The following KLHL4 variants were observed in gnomAD, a reference collection of about 807,000 sequenced individuals.
KLHL4 encodes kelch like family member 4.
Under a neutral mutation model 45.8 loss-of-function variants are expected in KLHL4, and 17 were observed. The observed-to-expected ratio is 0.37, with a 90% CI of 0.25 to 0.56. The LOEUF (loss-of-function observed/expected upper bound fraction) is 0.56. Among genes scored for constraint, KLHL4 ranks in the 20% least tolerant of loss-of-function variants. The probability of loss-of-function intolerance (pLI) is 0.79; values close to 1 mark genes in which losing one functional copy is unlikely to be tolerated. For missense variants in KLHL4, 544 were observed against 544.9 expected (o/e 1.00, Z 0.02); for synonymous variants, 224 against 189.9 (o/e 1.18, Z -1.47).
chrX:87,657,305 A>G (rs1014593827), intron 9 of KLHL4, among the ~76,000 whole-genome samples: 3 of 112,259 alleles, frequency 2.7e-5, no homozygotes, highest in African/African-American at 9.7e-5. Flanking sequence ...TATCCTCAGC[A>G]CCATGAAGAG....
intron 6 of KLHL4, 84 bp from the exon 7 acceptor site, chrX:87,632,126 G>A: frequency 1.8e-6 from 1 of 549,552 alleles, no homozygotes; most frequent in Non-Finnish European, 3.0e-6. Context: ...TGTAAGTTAT[G>A]GGTACATAAT....
intron 9 of KLHL4, among the ~76,000 whole-genome samples, chrX:87,640,967 G>C (rs1252624382): frequency 8.9e-6 from 1 of 112,040 alleles, no homozygotes; most frequent in East Asian, 2.8e-4. Context: ...AAAGCTCCTA[G>C]AACTGGTAAA....
At chrX:87,566,448 C>T (rs779061368) in intron 1 of KLHL4, among the ~76,000 whole-genome samples, 1 of 111,874 alleles carries the variant, frequency 8.9e-6, no homozygotes, top group Admixed American at 9.5e-5. Context: ...ATAGCTTAGC[C>T]TAATCCACCT....
intron 9 of KLHL4, among the ~76,000 whole-genome samples, chrX:87,657,885 T>C (rs1463572867): frequency 9.0e-6 from 1 of 111,472 alleles, no homozygotes; most frequent in African/African-American, 3.3e-5. Flanking sequence ...CTAGCCCTGA[T>C]GGGTGAAAAA....
intron 1 of KLHL4, among the ~76,000 whole-genome samples, chrX:87,565,697 AAAAAAAAAAAAAAAAAG>A (rs1932193569): frequency 1.0e-5 from 1 of 96,973 alleles, no homozygotes. Flanking sequence ...AAAAAAAAAA[AAAAAAAAAAAAAAAAAG>A]GAAATGAATT....
intron 1 of KLHL4, among the ~76,000 whole-genome samples, chrX:87,520,171 T>C (rs1930972975): frequency 8.9e-6 from 1 of 112,210 alleles, no homozygotes; most frequent in Non-Finnish European, 1.9e-5. Flanking sequence ...TATTACCTTC[T>C]CCTTAACCAT....
chrX:87,624,166 T>C (rs1452849661), intron 5 of KLHL4, among the ~76,000 whole-genome samples: 1 of 112,247 alleles, frequency 8.9e-6, no homozygotes, highest in Non-Finnish European at 1.9e-5. Context: ...TGTTATTTTA[T>C]TGGAATGGAG....
In KLHL4 at chrX:87,615,694, G is replaced by GA. The variant is rs1421580403; in HGVS notation, c.727+1128dup. 2.7e-5 allele frequency among the ~76,000 whole-genome samples: 3 copies of GA among 111,410 alleles called. No homozygotes were observed. In the East Asian group the frequency reaches 8.5e-4, roughly 31 times the overall value. On this transcript the variant is annotated intron_variant, in intron 3 of 10. Coordinates refer to ENST00000373119, the MANE Select transcript of KLHL4 (RefSeq NM_019117.5). ...AGATACTACAACATGGATGAAGTGTGAAAATATGCCAGATAAAAGAAGCCT... is the reference window on the plus strand; with the variant it reads ...AGATACTACAACATGGATGAAGTGTGAAAAATATGCCAGATAAAAGAAGCCT...
rs186656887 is a variant in KLHL4 at position 87,633,587 on chromosome X, C to T, written c.1550-162C>T. On this transcript the variant is annotated intron_variant, in intron 7 of 10. Coordinates refer to ENST00000373119, the MANE Select transcript of KLHL4 (RefSeq NM_019117.5). Reference sequence around the variant, plus strand: ...TGAAAGTTTCACAGGGTTAGAAAACCATACTTAGCTTTACAACAGAGTCAG... The same window carrying T: ...TGAAAGTTTCACAGGGTTAGAAAACTATACTTAGCTTTACAACAGAGTCAG... Among the ~76,000 whole-genome samples, 18 of 111,810 alleles carry T rather than the reference C, an allele frequency of 1.6e-4. No individual in the cohort carries two copies. In the East Asian group the frequency reaches 5.1e-3, roughly 31 times the overall value.
In KLHL4 at chrX:87,563,653, G is replaced by A. The variant is rs1391409572; in HGVS notation, c.422+45338G>A. On this transcript the variant is annotated intron_variant, in intron 1 of 10. Coordinates refer to ENST00000373119, the MANE Select transcript of KLHL4 (RefSeq NM_019117.5). ...AGCACACCTACAAGGGCAAATGTAA[G>A]TTATTGGCCTCAAAAAGGAGGCAAA... is the stretch of plus-strand genomic sequence containing the variant. Among the ~76,000 whole-genome samples the A allele has an allele frequency of 2.8e-5, 3 of 106,708 alleles. No individual in the cohort carries two copies. In the East Asian group the frequency reaches 9.1e-4, roughly 32 times the overall value. The allele number at this position is 106,708 out of a possible 115,157, so 92.7% of individuals were successfully genotyped here.
chrX:87,518,343 T>A (rs755863623), intron 1 of KLHL4, 28 bp downstream of exon 1: 1 of 1,086,023 alleles, frequency 9.2e-7, no homozygotes, highest in Admixed American at 2.3e-5. Flanking sequence ...CATAACTGAA[T>A]GCCGTAACTT....
intron 4 of KLHL4, among the ~76,000 whole-genome samples, chrX:87,620,958 G>A (rs1922727025): frequency 8.9e-6 from 1 of 112,603 alleles, no homozygotes; most frequent in Non-Finnish European, 1.9e-5. Flanking sequence ...AGAGACATCT[G>A]CTACAGTAAG....
rs779580656 is a variant in KLHL4 at position 87,667,936 on chromosome X, A to G, written c.*1402A>G. The G allele has an allele frequency of 2.1e-4, 144 of 691,747 alleles. No homozygotes were observed. The highest frequency in any genetic ancestry group is 2.4e-4 in the Non-Finnish European group (139 of 583,136). 57.0% of individuals were successfully genotyped at this position (691,747 alleles called of 1,213,427 possible). ...TAAATAAACTTTATTTCCTCTCACT[A>G]TAGTGTGGCTTTAGAATATATCAAG... On this transcript the variant is annotated 3_prime_UTR_variant, in exon 11 of 11. Coordinates refer to ENST00000373119, the MANE Select transcript of KLHL4 (RefSeq NM_019117.5).
At chrX:87,645,213 A>G (rs1923591472) in intron 9 of KLHL4, among the ~76,000 whole-genome samples, 1 of 112,100 alleles carries the variant, frequency 8.9e-6, no homozygotes, top group Non-Finnish European at 1.9e-5. Flanking sequence ...AGAAATAAAC[A>G]AACAATCCCA....
chrX:87,636,401 CA>C lies in KLHL4; in HGVS notation c.1925+627del, dbSNP rs1311236391. Among the ~76,000 whole-genome samples the C allele has an allele frequency of 3.6e-5, 4 of 111,806 alleles. No homozygotes were observed. In the East Asian group the frequency reaches 1.1e-3, roughly 32 times the overall value. ...GCAGCTCCCACTCATATAGACAGAG[CA>C]GTGTGTGGAGAACCATATCGTGAAC... On this transcript the variant is annotated intron_variant, in intron 9 of 10. Coordinates refer to ENST00000373119, the MANE Select transcript of KLHL4 (RefSeq NM_019117.5).
At chrX:87,660,663 G>A (rs972954948) in intron 9 of KLHL4, among the ~76,000 whole-genome samples, 23 of 111,786 alleles carry the variant, frequency 2.1e-4, no homozygotes, top group African/African-American at 7.2e-4. Flanking sequence ...TGACCAACAT[G>A]ACAAAACCCC....
Position 87,669,061 on chromosome X carries a change from A to G in KLHL4, c.*2527A>G, listed in dbSNP as rs2147847582. On this transcript the variant is annotated 3_prime_UTR_variant, in exon 11 of 11. Transcript: ENST00000373119. ...AACTTAATTGGGAAAAGGAGGAGTA[A>G]GAGCAGGCCCTTTCTGACATGCTTT... The G allele has an allele frequency of 1.1e-6, 1 of 876,214 alleles. No individual in the cohort carries two copies. Among genetic ancestry groups the G allele is most frequent in the South Asian group, 4.6e-5 (1 of 21,724 alleles). 72.2% of individuals were successfully genotyped at this position (876,214 alleles called of 1,213,427 possible). A position where few individuals can be genotyped will look rare whatever the true frequency, so the allele number is the denominator to read the frequency against.
chrX:87,590,709 G>T (rs749934836), intron 1 of KLHL4, among the ~76,000 whole-genome samples: 2 of 111,719 alleles, frequency 1.8e-5, no homozygotes, highest in Admixed American at 1.9e-4. Context: ...AACTGATTTC[G>T]ATGAGGGTGC....
At chrX:87,571,386 C>A (rs1932331990) in intron 1 of KLHL4, among the ~76,000 whole-genome samples, 1 of 110,842 alleles carries the variant, frequency 9.0e-6, no homozygotes, top group Non-Finnish European at 1.9e-5. Context: ...GCCACTTTGT[C>A]AAAACTTAAA....
Sources: gnomAD v4.1 joint callset for allele counts (sites outside exome capture counted in the v4.1 genomes callset) on GRCh38, gnomAD v4.1.1 for gene constraint, MANE v1.5 for transcripts, NCBI Gene and HGNC (gene_info 2026-07-23, HGNC 2026-07-21) for gene names.